PRC1: variants seen among roughly 807,000 people sequenced by gnomAD.
The protein encoded by PRC1 is protein regulator of cytokinesis 1.
In PRC1, 54 loss-of-function variants were observed where a neutral mutation model predicts 91.2. The observed-to-expected ratio is 0.59, with a 90% CI of 0.48 to 0.74. The LOEUF (loss-of-function observed/expected upper bound fraction) is 0.74. Ranked by LOEUF, PRC1 falls within the 30% of genes least tolerant of loss-of-function variation. PRC1 has a pLI of 0.00. For synonymous variants in PRC1, 275 were observed against 263.6 expected (o/e 1.04, Z -0.42); for missense variants, 727 against 746.2 (o/e 0.97, Z 0.30).
At position 90,981,049 on chromosome 15, in the gene PRC1, C is replaced by A. The variant is rs966413246; in HGVS notation, c.673-16G>T. On this transcript the variant is annotated splice_polypyrimidine_tract_variant and intron_variant, in intron 5 of 14. Transcript: ENST00000394249. Reference sequence around the variant, plus strand: ...GCATTTCCAGCTACAGCATAGAAAGCCAGTGTCACTCACGGCAAAGCAGCA... The same window carrying A: ...GCATTTCCAGCTACAGCATAGAAAGACAGTGTCACTCACGGCAAAGCAGCA... 2 of 1,613,470 alleles carry A rather than the reference C, an allele frequency of 1.2e-6. No individual in the cohort carries two copies. The highest frequency in any genetic ancestry group is 2.7e-5 in the African/African-American group (2 of 74,894).
Position 90,981,818 on chromosome 15 carries a change from C to T in PRC1, c.431G>A (p.Ser144Asn), listed in dbSNP as rs142416384. The change falls in exon 4 of 15, where the codon AGT (serine) becomes AAT (asparagine). Residue 144 changes from serine to asparagine, a missense_variant. Ser to Asn is a conservative substitution (Grantham distance 46). Transcript: ENST00000394249. ...CTCTTCTAAGCTGGGCACTGAGGCA[C>T]TGTCAATATCATAGTGGGGCATACA... ...ILCMPHYDID[S>N]ASVPSLEELN... 4 of 1,614,216 alleles carry T rather than the reference C, an allele frequency of 2.5e-6. No homozygotes were observed. Among genetic ancestry groups the T allele is most frequent in the African/African-American group, 1.3e-5 (1 of 75,078 alleles).
Position 90,974,483 on chromosome 15 carries a change from C to T in PRC1, c.1350+102G>A. ...GCTTCCCGTTCCACAAGCCCCGGTC[C>T]CCGGCTCCCTGTTCCACAAACCCTG... On this transcript the variant is annotated intron_variant, in intron 10 of 14. Coordinates refer to ENST00000394249, the MANE Select transcript of PRC1 (RefSeq NM_003981.4). The surrounding 1 kb of genome is among the most constrained non-coding windows in gnomAD (Gnocchi z 4.6). 6.6e-7 allele frequency: 1 copy of T among 1,515,676 alleles called. No individual in the cohort carries two copies. The highest frequency in any genetic ancestry group is 1.4e-5 in the African/African-American group (1 of 72,252). 93.9% of individuals were successfully genotyped at this position (1,515,676 alleles called of 1,614,324 possible).
At chr15:90,969,318 C>T in intron 13 of PRC1, 129 bp downstream of exon 13, 1 of 1,322,178 alleles carries the variant, frequency 7.6e-7, no homozygotes, top group East Asian at 2.4e-5. Flanking sequence ...ATGGTCAAAG[C>T]AGGAAAGGGA....
chr15:90,969,900 T>C lies in PRC1; in HGVS notation c.1573-277A>G, dbSNP rs140699761. ...ATGTTCGAGACCAGCCTGGGCAACA[T>C]AGCAAAACACTGTCTCTAGAAAAAA... On this transcript the variant is annotated intron_variant, in intron 12 of 14. Coordinates refer to ENST00000394249, the MANE Select transcript of PRC1 (RefSeq NM_003981.4). 6.6e-3 allele frequency among the ~76,000 whole-genome samples: 1,002 copies of C among 151,604 alleles called. 8 individuals carry two copies. Among genetic ancestry groups the C allele is most frequent in the Middle Eastern group, 0.021 (6 of 292 alleles).
intron 11 of PRC1, among the ~76,000 whole-genome samples, chr15:90,972,183 C>T (rs1303321409): frequency 1.2e-5 from 1 of 84,064 alleles, no homozygotes; most frequent in Admixed American, 1.4e-4. Context: ...TCTACTGAAA[C>T]TCAAAAAAAA....
Position 90,984,656 on chromosome 15 carries a change from C to T in PRC1, c.144+37G>A. On this transcript the variant is annotated intron_variant, in intron 2 of 14. Transcript: ENST00000394249. This position sits in a 1 kb window ranked among gnomAD's most constrained non-coding sequence, Gnocchi z 5.1. ...TCGGGTGAGACACCAACATCCTTAC[C>T]CTGGTCCAATGCAGAGACCAGTACT... is the stretch of plus-strand genomic sequence containing the variant. The T allele has an allele frequency of 6.2e-7, 1 of 1,611,488 alleles. No individual in the cohort carries two copies. Among genetic ancestry groups the T allele is most frequent in the Non-Finnish European group, 8.5e-7 (1 of 1,178,462 alleles).
intron 1 of PRC1, among the ~76,000 whole-genome samples, chr15:90,993,798 A>G (rs2040120719): frequency 6.6e-6 from 1 of 152,166 alleles, no homozygotes; most frequent in Non-Finnish European, 1.5e-5. Flanking sequence ...AAGAAAAACA[A>G]CGGGCCGGGC....
Position 90,994,533 on chromosome 15 carries a change from G to A in PRC1, c.-116C>T. Reference sequence around the variant, plus strand: ...ACTCCGCGTAGCCGCTCCGCGAGCCGTTGAGCCCCGCAAAATTTCAAACCG... The same window carrying A: ...ACTCCGCGTAGCCGCTCCGCGAGCCATTGAGCCCCGCAAAATTTCAAACCG... On this transcript the variant is annotated 5_prime_UTR_variant, in exon 1 of 15. It adds an upstream start codon to the 5' untranslated region. Coordinates refer to ENST00000394249, the MANE Select transcript of PRC1 (RefSeq NM_003981.4). 5 of 1,421,098 alleles carry A rather than the reference G, an allele frequency of 3.5e-6. No individual in the cohort carries two copies. Among genetic ancestry groups the A allele is most frequent in the East Asian group, 2.8e-5 (1 of 35,420 alleles). 88.0% of individuals were successfully genotyped at this position (1,421,098 alleles called of 1,614,324 possible).
intron 14 of PRC1, 136 bp from the exon 15 acceptor site, chr15:90,967,338 G>A (rs1359898824): frequency 2.3e-5 from 16 of 690,720 alleles, no homozygotes; most frequent in Middle Eastern, 2.4e-4. Flanking sequence ...AATAGGCTGC[G>A]TTAGGAGTAA....
At chr15:90,967,816 T>C in intron 14 of PRC1, 1 of 981,694 alleles carries the variant, frequency 1.0e-6, no homozygotes, top group African/African-American at 1.7e-5. Flanking sequence ...AACATATCCC[T>C]GTCATTAAGC....
At chr15:90,991,842 T>C (rs771015370) in intron 1 of PRC1, among the ~76,000 whole-genome samples, 1 of 152,148 alleles carries the variant, frequency 6.6e-6, no homozygotes, top group Non-Finnish European at 1.5e-5. Context: ...AAGTCCATTG[T>C]CAACACAGGA....
intron 1 of PRC1, among the ~76,000 whole-genome samples, chr15:90,990,469 TC>T (rs2039911696): frequency 6.6e-6 from 1 of 151,476 alleles, no homozygotes; most frequent in Non-Finnish European, 1.5e-5. Context: ...CAAGTAGTCC[TC>T]CCACCTTGGG....
At chr15:90,969,744 T>A (rs1596274846) in intron 12 of PRC1, 121 bp from the exon 13 acceptor site, 3 of 406,752 alleles carry the variant, frequency 7.4e-6, no homozygotes, top group East Asian at 7.3e-5. Context: ...AATCCTATAC[T>A]TTTTAGTTAA....
chr15:90,974,157 A>AT lies in PRC1; in HGVS notation c.1439dup (p.Asn480LysfsTer8). ...TTACCTTACGTGCTTTGCCCGGTGT[A>AT]TTGGGAGCCAGTCCTCGCCGCTTGC... is the stretch of plus-strand genomic sequence containing the variant. On this transcript the variant is annotated frameshift_variant, in exon 11 of 15. Transcript: ENST00000394249. LOFTEE classifies it high-confidence loss of function. This position sits in a 1 kb window ranked among gnomAD's most constrained non-coding sequence, Gnocchi z 4.6. The AT allele has an allele frequency of 6.2e-7, 1 of 1,613,944 alleles. No homozygotes were observed.
chr15:90,991,980 G>C (rs2040006934), intron 1 of PRC1, among the ~76,000 whole-genome samples: 1 of 152,184 alleles, frequency 6.6e-6, no homozygotes, highest in Admixed American at 6.5e-5. Flanking sequence ...TTTGACCTCA[G>C]TGCTCATTCT....
intron 11 of PRC1, 60 bp from the exon 12 acceptor site, chr15:90,970,574 C>A: frequency 8.3e-7 from 1 of 1,205,532 alleles, no homozygotes; most frequent in Non-Finnish European, 1.2e-6. Context: ...TTTCTAGCAA[C>A]CTGTCTACCC....
intron 3 of PRC1, 112 bp downstream of exon 3, chr15:90,983,906 G>T (rs934686289): frequency 1.4e-6 from 2 of 1,406,214 alleles, no homozygotes; most frequent in Non-Finnish European, 1.9e-6. Flanking sequence ...CACTTCTTAC[G>T]TCTAGCTCCA....
At chr15:90,967,536 A>T in intron 14 of PRC1, 1 of 227,482 alleles carries the variant, frequency 4.4e-6, no homozygotes, top group South Asian at 9.8e-5. Context: ...TGGTGGTCCC[A>T]TAAGATTATA....
chr15:90,967,036 G>C lies in PRC1; in HGVS notation c.*95C>G. ...TCATGGAACCTGGCCAAGGTTTCAA[G>C]CACGCCTAAGCTGAAGAAAAACTAA... On this transcript the variant is annotated 3_prime_UTR_variant, in exon 15 of 15. Transcript: ENST00000394249. 2.7e-6 allele frequency: 3 copies of C among 1,107,870 alleles called. No homozygotes were observed. Among genetic ancestry groups the C allele is most frequent in the African/African-American group, 1.6e-5 (1 of 63,912 alleles). 68.6% of individuals were successfully genotyped at this position (1,107,870 alleles called of 1,614,324 possible).
Sources: gnomAD v4.1 joint callset for allele counts (sites outside exome capture counted in the v4.1 genomes callset) on GRCh38, gnomAD v4.1.1 for gene constraint, Gnocchi (gnomAD v3.1) non-coding constraint, MANE v1.5 for transcripts, NCBI Gene and HGNC (gene_info 2026-07-23, HGNC 2026-07-21) for gene names.